Variants in NAV1 observed in about 807,000 individuals in gnomAD.
NAV1 encodes neuron navigator 1, also known as pore membrane and/or filament interacting like protein 3.
Under a neutral mutation model 175.2 loss-of-function variants are expected in NAV1, and 18 were observed. The ratio of observed to expected loss-of-function variants is 0.10; its 90% confidence interval spans 0.07 to 0.15. NAV1 has a LOEUF of 0.15. Among genes scored for constraint, NAV1 ranks in the 10% least tolerant of loss-of-function variants. NAV1 has a pLI of 1.00. For missense variants in NAV1, 1,731 were observed against 2,436.6 expected, an observed-to-expected ratio of 0.71 and a Z score of 6.10; for synonymous variants, 897 against 978.7, an observed-to-expected ratio of 0.92 and a Z score of 1.56.
chr1:201,566,810 T>TA (rs1557999913), intron 1 of NAV1, among the ~76,000 whole-genome samples: 1 of 151,236 alleles, frequency 6.6e-6, no homozygotes, highest in Non-Finnish European at 1.5e-5. Context: ...TTTTTTTTTT[T>TA]AAAGGCAGGT....
At chr1:201,727,935 A>G (rs1176016047) in intron 3 of NAV1, among the ~76,000 whole-genome samples, 1 of 152,120 alleles carries the variant, frequency 6.6e-6, no homozygotes, top group Admixed American at 6.5e-5. Flanking sequence ...CCTGAGTTCG[A>G]GTCACAGGCG....
intron 1 of NAV1, among the ~76,000 whole-genome samples, chr1:201,665,590 AC>A (rs3053790): frequency 1.3e-3 from 168 of 128,590 alleles, no homozygotes; most frequent in Middle Eastern, 4.0e-3. Context: ...AGAGCACCCC[AC>A]CCCCCCCACT....
chr1:201,552,052 A>T (rs1419779691), intron 1 of NAV1, among the ~76,000 whole-genome samples: 1 of 152,230 alleles, frequency 6.6e-6, no homozygotes. Flanking sequence ...GGAGGCCTAG[A>T]AAGTGACCAC....
chr1:201,660,369 G>T (rs1317129428), intron 1 of NAV1, among the ~76,000 whole-genome samples: 2 of 152,184 alleles, frequency 1.3e-5, no homozygotes, highest in African/African-American at 2.4e-5. Flanking sequence ...GCATCGAGAG[G>T]CTGTTGCTGC....
At chr1:201,573,187 G>A (rs1007735292) in intron 1 of NAV1, among the ~76,000 whole-genome samples, 1 of 152,270 alleles carries the variant, frequency 6.6e-6, no homozygotes, top group African/African-American at 2.4e-5. Context: ...CAGACACCCT[G>A]ACTGATTCAA....
intron 3 of NAV1, among the ~76,000 whole-genome samples, chr1:201,763,968 G>A (rs975247568): frequency 2.6e-5 from 4 of 152,106 alleles, no homozygotes; most frequent in Admixed American, 1.3e-4. Flanking sequence ...GGATTATTTC[G>A]CTGCCAAGTC....
intron 2 of NAV1, among the ~76,000 whole-genome samples, chr1:201,642,919 A>G (rs75125398): frequency 0.074 from 11,265 of 151,278 alleles, 436 homozygotes; most frequent in African/African-American, 0.09. Flanking sequence ...ACAGGCGCCC[A>G]CCACCACACC....
In NAV1 at chr1:201,718,889, CTGTGT is replaced by C; in HGVS notation, c.1226+135_1226+139del. The C allele has an allele frequency of 5.2e-6, 6 of 1,156,324 alleles. No individual in the cohort carries two copies. Among genetic ancestry groups the C allele is most frequent in the Non-Finnish European group, 7.4e-6 (6 of 814,494 alleles). 71.6% of individuals were successfully genotyped at this position (1,156,324 alleles called of 1,614,324 possible). On this transcript the variant is annotated intron_variant, in intron 3 of 29. Coordinates refer to ENST00000367296, the Ensembl canonical transcript of NAV1. The surrounding 1 kb of genome is among the most constrained non-coding windows in gnomAD (Gnocchi z 4.8). ...TGCTATGAAAGTACACAAAAGTGTG[CTGTGT>C]ACACTTTGTGATTGCCTCTGAAATT...
At chr1:201,647,081 G>A (rs919558654), upstream of NAV1, among the ~76,000 whole-genome samples, 1 of 152,154 alleles carries the variant, frequency 6.6e-6, no homozygotes, top group East Asian at 1.9e-4. Flanking sequence ...CTAGAGTGTG[G>A]CTCCACCTGG....
upstream of NAV1, chr1:201,648,122 C>T (rs1314064343): frequency 7.2e-6 from 3 of 418,202 alleles, no homozygotes; most frequent in Non-Finnish European, 9.6e-6. Context: ...CACTCGCTCC[C>T]CTCCTCCTGT....
Position 201,694,524 on chromosome 1 carries a change from T to C in NAV1, c.758-18293T>C, listed in dbSNP as rs940106574. Among the ~76,000 whole-genome samples the C allele has an allele frequency of 1.4e-4, 22 of 152,088 alleles. No homozygotes were observed. The highest frequency in any genetic ancestry group is 1.6e-4 in the Non-Finnish European group (11 of 68,010). On this transcript the variant is annotated intron_variant, in intron 1 of 29. Transcript: ENST00000367296. The surrounding 1 kb of genome is among the most constrained non-coding windows in gnomAD (Gnocchi z 4.2). ...GGCTGGGGATCATTTGCAGGGAGAA[T>C]GCAGCCAGGACCACCAGCCCTGGCT...
intron 13 of NAV1, chr1:201,792,299 C>T (rs1284512680): frequency 1.3e-5 from 2 of 152,040 alleles, no homozygotes; most frequent in African/African-American, 2.4e-5. Flanking sequence ...TGTCATGTTC[C>T]ATGGAACTTC....
chr1:201,805,083 G>A (rs12122186), intron 17 of NAV1, among the ~76,000 whole-genome samples: 72,650 of 151,462 alleles, frequency 0.48, 18,141 homozygotes, highest in African/African-American at 0.62. Flanking sequence ...ATGAGGGTTT[G>A]GTCTTAAGAT....
chr1:201,651,604 CTA>C (rs1403297456), intron 1 of NAV1, among the ~76,000 whole-genome samples: 2 of 152,164 alleles, frequency 1.3e-5, no homozygotes, highest in Admixed American at 6.5e-5. Context: ...TTAAAGGCAT[CTA>C]TGAGTTCATG....
In NAV1 at chr1:201,782,107, A is replaced by C; in HGVS notation, c.1664-69A>C. 1 of 1,373,836 alleles carries C rather than the reference A, an allele frequency of 7.3e-7. No homozygotes were observed. The highest frequency in any genetic ancestry group is 9.9e-7 in the Non-Finnish European group (1 of 1,009,552). The allele number at this position is 1,373,836 out of a possible 1,614,324, so 85.1% of individuals were successfully genotyped here. A position where few individuals can be genotyped will look rare whatever the true frequency, so the allele number is the denominator to read the frequency against. The stretch of plus-strand genomic sequence containing the variant: ...CAATGTTCCCTTCTCCCATGGAGGG[A>C]AAGAAAAGGGTGGGTTTTTAAGATA... On this transcript the variant is annotated intron_variant, in intron 5 of 29. Transcript: ENST00000367296. This position sits in a 1 kb window ranked among gnomAD's most constrained non-coding sequence, Gnocchi z 5.4.
intron 1 of NAV1, among the ~76,000 whole-genome samples, chr1:201,665,596 C>A (rs1352367076): frequency 2.9e-5 from 2 of 69,794 alleles, no homozygotes; most frequent in South Asian, 3.3e-4. Context: ...CCCCACCCCC[C>A]CCACTGCCCA....
In NAV1 at chr1:201,793,572, C is replaced by A. The variant is rs973240504; in HGVS notation, c.3322-220C>A. 3 of 521,204 alleles carry A rather than the reference C, an allele frequency of 5.8e-6. No individual in the cohort carries two copies. The African/African-American group carries it at 5.8e-5, about 10-fold the overall frequency. The allele number at this position is 521,204 out of a possible 1,614,324, so 32.3% of individuals were successfully genotyped here. A position where few individuals can be genotyped will look rare whatever the true frequency, so the allele number is the denominator to read the frequency against. On this transcript the variant is annotated intron_variant, in intron 13 of 29. Coordinates refer to ENST00000367296, the Ensembl canonical transcript of NAV1. ...CTCTGGAAACCTGCCCTACCCTCAA[C>A]CTGGCTTCATTATTCAAGAAGCTGG...
Position 201,688,920 on chromosome 1 carries a change from G to A in NAV1, c.758-23897G>A, listed in dbSNP as rs111928711. On this transcript the variant is annotated intron_variant, in intron 1 of 29. Coordinates refer to ENST00000367296, the Ensembl canonical transcript of NAV1. ...GAGGCTGGGACCTAGGTTACTAGACGTGTTGCCTGCTCCACATGCACTGCT... is the reference window on the plus strand; with the variant it reads ...GAGGCTGGGACCTAGGTTACTAGACATGTTGCCTGCTCCACATGCACTGCT... Among the ~76,000 whole-genome samples the A allele has an allele frequency of 7.1e-3, 1,074 of 152,308 alleles. 12 individuals are homozygous for A. Among genetic ancestry groups the A allele is most frequent in the African/African-American group, 0.025 (1,021 of 41,560 alleles).
chr1:201,775,492 G>C (rs978068202), intron 3 of NAV1, among the ~76,000 whole-genome samples: 3 of 152,142 alleles, frequency 2.0e-5, no homozygotes, highest in African/African-American at 7.2e-5. Flanking sequence ...GTGCACAAAG[G>C]TTCTCAATAA....
Sources: gnomAD v4.1 joint callset for allele counts (sites outside exome capture counted in the v4.1 genomes callset) on GRCh38, gnomAD v4.1.1 for gene constraint, Gnocchi (gnomAD v3.1) non-coding constraint, MANE v1.5 for transcripts, NCBI Gene and HGNC (gene_info 2026-07-23, HGNC 2026-07-21) for gene names.